The following SPATA6L variants were observed in gnomAD, a reference collection of about 807,000 sequenced individuals.
SPATA6L encodes the protein spermatogenesis associated 6 like, also known as spermatogenesis associated 6-like protein.
SPATA6L carries 68 observed loss-of-function variants against 49.2 expected under a neutral mutation model. The observed-to-expected ratio is 1.38, with a 90% CI of 1.14 to 1.69. The LOEUF (loss-of-function observed/expected upper bound fraction) is 1.69. Ranked by LOEUF, SPATA6L falls within the 40% of genes most tolerant of loss-of-function variation. SPATA6L has a pLI of 0.00. For synonymous variants in SPATA6L, 198 were observed against 165.7 expected, an observed-to-expected ratio of 1.19 and a Z score of -1.50; for missense variants, 668 against 464.3, an observed-to-expected ratio of 1.44 and a Z score of -4.03.
At chr9:4,611,052 C>T (rs572318317) in intron 9 of SPATA6L, among the ~76,000 whole-genome samples, 1 of 147,918 alleles carries the variant, frequency 6.8e-6, no homozygotes, top group South Asian at 2.1e-4. Context: ...AAAAAATGCT[C>T]ATCATCACTG....
At chr9:4,619,155 CTTTTTTTT>C (rs57028759) in intron 7 of SPATA6L, among the ~76,000 whole-genome samples, 2 of 118,178 alleles carry the variant, frequency 1.7e-5, no homozygotes, top group African/African-American at 6.9e-5. Flanking sequence ...CAGGTTTTCT[CTTTTTTTT>C]TTTTTTTTTT....
intron 3 of SPATA6L, among the ~76,000 whole-genome samples, chr9:4,648,897 G>C (rs1459810103): frequency 2.6e-5 from 4 of 151,964 alleles, no homozygotes; most frequent in Non-Finnish European, 5.9e-5. Flanking sequence ...TCATAGCTTA[G>C]CTCCCACTTA....
At chr9:4,620,937 A>G (rs1829146934) in intron 7 of SPATA6L, among the ~76,000 whole-genome samples, 1 of 152,232 alleles carries the variant, frequency 6.6e-6, no homozygotes, top group Non-Finnish European at 1.5e-5. Context: ...TAAATGTCAG[A>G]GGTGATGAAG....
At chr9:4,628,902 A>G (rs1054998939) in intron 5 of SPATA6L, 189 bp downstream of exon 5, 1 of 565,118 alleles carries the variant, frequency 1.8e-6, no homozygotes, top group Non-Finnish European at 3.1e-6. Context: ...CGTATGTACC[A>G]AACATACTCT....
At position 4,656,051 on chromosome 9, in the gene SPATA6L, G is replaced by T. The variant is rs537948986; in HGVS notation, c.216C>A (p.Asp72Glu). ...TTTCAGAGTACCTACTTTCCAAAAG[G>T]TCTACTACAGCTCCAGGATCTACTG... ...ESAVDPGAVV[D>E]LLEMWDELAY... Residue 72 changes from aspartate to glutamate, a missense_variant, in exon 3 of 12, where the codon GAC (aspartate) becomes GAA (glutamate). Transcript: ENST00000682582. The T allele has an allele frequency of 6.2e-7, 1 of 1,612,446 alleles. No homozygotes were observed. Among genetic ancestry groups the T allele is most frequent in the East Asian group, 2.2e-5 (1 of 44,866 alleles).
Position 4,604,210 on chromosome 9 carries a change from T to C in SPATA6L, c.1149A>G (p.Lys383=). 6.2e-7 allele frequency: 1 copy of C among 1,612,370 alleles called. No individual in the cohort carries two copies. The part of the protein sequence containing the change: ...IIERPSYPLK[K]YSLHEQRYF ...AATATCTCTGTTCATGCAGTGAGTATTTCTTCAGAGGGTAGCTTGGTCTTT... is the reference window on the plus strand; with the variant it reads ...AATATCTCTGTTCATGCAGTGAGTACTTCTTCAGAGGGTAGCTTGGTCTTT... Residue 383 remains lysine, a synonymous_variant, in exon 11 of 12, where the codon AAA becomes AAG. Transcript: ENST00000682582.
chr9:4,639,264 T>A (rs940625739), intron 3 of SPATA6L, among the ~76,000 whole-genome samples: 1 of 152,164 alleles, frequency 6.6e-6, no homozygotes, highest in Non-Finnish European at 1.5e-5. Context: ...ATGCATGATA[T>A]GATGTTCTAC....
intron 3 of SPATA6L, among the ~76,000 whole-genome samples, chr9:4,648,351 CTTTT>C (rs1215764512): frequency 6.6e-6 from 1 of 152,028 alleles, no homozygotes; most frequent in Non-Finnish European, 1.5e-5. Flanking sequence ...CCTCTAAATT[CTTTT>C]TTTAAAATTT....
At chr9:4,593,954 G>C (rs1822067397), downstream of SPATA6L, among the ~76,000 whole-genome samples, 1 of 152,228 alleles carries the variant, frequency 6.6e-6, no homozygotes, top group Non-Finnish European at 1.5e-5. Context: ...CTCTCCACCA[G>C]ATACTCCTCC....
intron 13 of SPATA6L, among the ~76,000 whole-genome samples, chr9:4,589,228 T>C (rs1216551088): frequency 6.6e-6 from 1 of 152,260 alleles, no homozygotes; most frequent in Non-Finnish European, 1.5e-5. Context: ...GTGATGCATG[T>C]AGCAAAGATT....
chr9:4,638,838 G>A (rs1833417439), intron 3 of SPATA6L, among the ~76,000 whole-genome samples: 1 of 150,474 alleles, frequency 6.6e-6, no homozygotes, highest in African/African-American at 2.4e-5. Flanking sequence ...AGGCTGGAGT[G>A]CAATGGCGTA....
At chr9:4,661,764 G>GCTTCAAGGCCGA in intron 2 of SPATA6L, 135 bp downstream of exon 2, 7 of 1,209,598 alleles carry the variant, frequency 5.8e-6, no homozygotes, top group South Asian at 1.7e-5. Context: ...CTGCGGTTTT[G>GCTTCAAGGCCGA]CATTGTGCTG....
At chr9:4,649,035 C>T (rs1308856573) in intron 3 of SPATA6L, among the ~76,000 whole-genome samples, 3 of 73,854 alleles carry the variant, frequency 4.1e-5, no homozygotes, top group Non-Finnish European at 6.8e-5. Context: ...AGTAGTATTC[C>T]ATCATATATA....
intron 3 of SPATA6L, among the ~76,000 whole-genome samples, chr9:4,651,852 G>A (rs1836949277): frequency 1.3e-5 from 2 of 152,102 alleles, no homozygotes. Context: ...TACAACTAAT[G>A]GTGAAAAACT....
intron 3 of SPATA6L, among the ~76,000 whole-genome samples, chr9:4,644,988 T>A (rs1564279933): frequency 6.6e-6 from 1 of 152,204 alleles, no homozygotes; most frequent in African/African-American, 2.4e-5. Flanking sequence ...TTTACTCACC[T>A]CTGTCATTGT....
downstream of SPATA6L, among the ~76,000 whole-genome samples, chr9:4,597,319 T>TACACACACACAC (rs57570250): frequency 2.8e-5 from 4 of 143,912 alleles, no homozygotes; most frequent in South Asian, 2.3e-4. Context: ...GAAAACAAAA[T>TACACACACACAC]ACACACACAC....
chr9:4,662,456 A>G lies in SPATA6L; in HGVS notation c.40-420T>C. On this transcript the variant is annotated intron_variant, in intron 1 of 11. Coordinates refer to ENST00000682582, the MANE Select transcript of SPATA6L (RefSeq NM_001353486.2). This position sits in a 1 kb window ranked among gnomAD's most constrained non-coding sequence, Gnocchi z 4.9. The stretch of plus-strand genomic sequence containing the variant: ...GCAGCAGCAGCAGCCCCGGCAGCCC[A>G]GCCCATGGCGGCGGTGGCGGCGGCA... 1.3e-6 allele frequency: 2 copies of G among 1,547,302 alleles called. No individual in the cohort carries two copies. Among genetic ancestry groups the G allele is most frequent in the East Asian group, 2.4e-5 (1 of 41,742 alleles).
Position 4,618,915 on chromosome 9 carries a change from C to T in SPATA6L, c.773-17G>A. The T allele has an allele frequency of 6.2e-7, 1 of 1,612,598 alleles. No individual in the cohort carries two copies. Among genetic ancestry groups the T allele is most frequent in the Non-Finnish European group, 8.5e-7 (1 of 1,178,874 alleles). Reference sequence around the variant, plus strand: ...GAGAAGAAGCTAGAAGAAAGAGGAACAGGCATTTCAATGACTCATTATTAC... The same window carrying T: ...GAGAAGAAGCTAGAAGAAAGAGGAATAGGCATTTCAATGACTCATTATTAC... On this transcript the variant is annotated splice_polypyrimidine_tract_variant and intron_variant, in intron 7 of 11. Transcript: ENST00000682582.
chr9:4,598,894 A>T lies in SPATA6L; in HGVS notation c.*1917T>A, dbSNP rs946944738. 6.6e-6 allele frequency among the ~76,000 whole-genome samples: 1 copy of T among 152,256 alleles called. No individual in the cohort carries two copies. Among genetic ancestry groups the T allele is most frequent in the African/African-American group, 2.4e-5 (1 of 41,470 alleles). On this transcript the variant is annotated 3_prime_UTR_variant, in exon 12 of 12. Transcript: ENST00000682582. ...TTTAAGCTTGCTGTTGGCCTTGCCA[A>T]GGTGGAATGCTGGTTGTGATACAGG...
Sources: allele counts gnomAD v4.1 joint callset (sites outside exome capture counted in the v4.1 genomes callset), GRCh38; gene constraint gnomAD v4.1.1; non-coding constraint Gnocchi (gnomAD v3.1); transcripts MANE v1.5; gene names NCBI Gene and HGNC (gene_info 2026-07-23, HGNC 2026-07-21).